PLPP4: variants seen among roughly 807,000 people sequenced by gnomAD.
PLPP4 encodes the protein phospholipid phosphatase 4, also known as diacylglycerol pyrophosphate like 2.
A neutral mutation model predicts 32.2 loss-of-function variants in PLPP4; 20 were observed. The ratio of observed to expected loss-of-function variants is 0.62; its 90% confidence interval spans 0.44 to 0.90. The LOEUF (loss-of-function observed/expected upper bound fraction) is 0.90, where lower values mean the gene tolerates loss of function less well. Ranked by LOEUF, PLPP4 falls within the 40% of genes least tolerant of loss-of-function variation. The pLI, the probability that PLPP4 is intolerant of heterozygous loss-of-function variation, is 0.00. For missense variants in PLPP4, 257 were observed against 353.1 expected (o/e 0.73, Z 2.18); for synonymous variants, 127 against 133.0 (o/e 0.95, Z 0.31).
In PLPP4 at chr10:120,570,072, T is replaced by A. The variant is rs192474584; in HGVS notation, c.446-5059T>A. Among the ~76,000 whole-genome samples, 369 of 152,262 alleles carry A rather than the reference T, an allele frequency of 2.4e-3. 7 individuals carry two copies. The highest frequency in any genetic ancestry group is 8.4e-3 in the African/African-American group (348 of 41,544). ...ATGGCCTAATGACTACATCATTGTGTTGTTCTGGGGATGAAATGAGGCAAC... is the reference window on the plus strand; with the variant it reads ...ATGGCCTAATGACTACATCATTGTGATGTTCTGGGGATGAAATGAGGCAAC... On this transcript the variant is annotated intron_variant, in intron 5 of 6. Coordinates refer to ENST00000398250, the MANE Select transcript of PLPP4 (RefSeq NM_001030059.3).
At chr10:120,482,862 A>AATAATGGAAGAATAATGTTCCCCCAGG (rs1844272308) in intron 1 of PLPP4, among the ~76,000 whole-genome samples, 1 of 152,124 alleles carries the variant, frequency 6.6e-6, no homozygotes, top group Admixed American at 6.5e-5. Flanking sequence ...CTGTGAGCCG[A>AATAATGGAAGAATAATGTTCCCCCAGG]GATCGCACCA....
At chr10:120,457,431 C>A in intron 1 of PLPP4, 70 bp downstream of exon 1, 1 of 1,426,080 alleles carries the variant, frequency 7.0e-7, no homozygotes, top group Non-Finnish European at 9.5e-7. Flanking sequence ...TCTCTGTGCC[C>A]TAACTTAGTT....
At chr10:120,472,434 CT>C (rs1418381322) in intron 1 of PLPP4, among the ~76,000 whole-genome samples, 1 of 152,016 alleles carries the variant, frequency 6.6e-6, no homozygotes, top group Non-Finnish European at 1.5e-5. Flanking sequence ...TCCATTGTTT[CT>C]GATGATAAGT....
At chr10:120,458,643 C>T (rs1847900213) in intron 1 of PLPP4, among the ~76,000 whole-genome samples, 1 of 152,182 alleles carries the variant, frequency 6.6e-6, no homozygotes, top group African/African-American at 2.4e-5. Context: ...GCCCCCCTCT[C>T]CCGCCTTCTG....
chr10:120,491,235 G>A (rs966073878), intron 1 of PLPP4, among the ~76,000 whole-genome samples: 6 of 152,240 alleles, frequency 3.9e-5, no homozygotes, highest in Non-Finnish European at 7.4e-5. Flanking sequence ...TGGGTCACAA[G>A]CTTACTGGCC....
intron 1 of PLPP4, among the ~76,000 whole-genome samples, chr10:120,462,495 T>C (rs1236598367): frequency 6.6e-6 from 1 of 152,186 alleles, no homozygotes; most frequent in Non-Finnish European, 1.5e-5. Flanking sequence ...ACAAGTACTG[T>C]CTGCACTGCG....
At chr10:120,525,621 G>T (rs568386745) in intron 5 of PLPP4, among the ~76,000 whole-genome samples, 1 of 152,266 alleles carries the variant, frequency 6.6e-6, no homozygotes, top group South Asian at 2.1e-4. Context: ...TCCAATCAGG[G>T]GACAGGGAAA....
chr10:120,556,801 C>T (rs978836298), intron 5 of PLPP4, among the ~76,000 whole-genome samples: 2 of 152,158 alleles, frequency 1.3e-5, no homozygotes, highest in African/African-American at 4.8e-5. Flanking sequence ...AGATTCAAAC[C>T]TCGGCACTAG....
chr10:120,457,117 A>G (rs906470106), upstream of PLPP4: 1 of 245,382 alleles, frequency 4.1e-6, no homozygotes, highest in Non-Finnish European at 7.6e-6. Context: ...GGAGCCCCGG[A>G]GCCCGAGGCG....
intron 6 of PLPP4, among the ~76,000 whole-genome samples, chr10:120,582,781 C>G (rs932238787): frequency 1.0e-5 from 1 of 98,632 alleles, no homozygotes; most frequent in Non-Finnish European, 2.0e-5. Flanking sequence ...CTTCCTCCCT[C>G]CCTCCCTCCC....
intron 1 of PLPP4, among the ~76,000 whole-genome samples, chr10:120,478,628 A>C (rs941062743): frequency 6.6e-6 from 1 of 152,222 alleles, no homozygotes; most frequent in African/African-American, 2.4e-5. Context: ...TCCCATGATA[A>C]TGCATACTTT....
chr10:120,490,993 T>G (rs1265148969), intron 1 of PLPP4, among the ~76,000 whole-genome samples: 1 of 152,238 alleles, frequency 6.6e-6, no homozygotes, highest in African/African-American at 2.4e-5. Flanking sequence ...CTCGAGCCCC[T>G]ATCTCTGCTC....
intron 5 of PLPP4, among the ~76,000 whole-genome samples, chr10:120,549,486 G>A (rs1164580667): frequency 6.6e-6 from 1 of 151,672 alleles, no homozygotes; most frequent in Non-Finnish European, 1.5e-5. Flanking sequence ...AGAAGAACAG[G>A]GAACATTTCC....
At chr10:120,527,642 T>C (rs1846467279) in intron 5 of PLPP4, among the ~76,000 whole-genome samples, 1 of 152,194 alleles carries the variant, frequency 6.6e-6, no homozygotes, top group African/African-American at 2.4e-5. Flanking sequence ...ACAAATACCA[T>C]CATGATGGTC....
At chr10:120,531,489 G>A (rs1846719421) in intron 5 of PLPP4, among the ~76,000 whole-genome samples, 1 of 151,914 alleles carries the variant, frequency 6.6e-6, no homozygotes, top group East Asian at 1.9e-4. Context: ...TTCTTTTATG[G>A]CTATTGCACT....
intron 1 of PLPP4, among the ~76,000 whole-genome samples, chr10:120,503,012 C>T (rs1255324641): frequency 6.6e-6 from 1 of 152,230 alleles, no homozygotes; most frequent in Non-Finnish European, 1.5e-5. Flanking sequence ...CCTCCCCAAT[C>T]TGCTAGTCTC....
intron 5 of PLPP4, among the ~76,000 whole-genome samples, chr10:120,565,040 G>A (rs1027501820): frequency 4.6e-5 from 7 of 151,908 alleles, no homozygotes; most frequent in African/African-American, 7.3e-5. Context: ...CATAGTTAAC[G>A]AAGTCTCAAG....
intron 4 of PLPP4, among the ~76,000 whole-genome samples, chr10:120,520,415 G>A (rs934909988): frequency 6.6e-6 from 1 of 152,222 alleles, no homozygotes; most frequent in Admixed American, 6.5e-5. Context: ...AATAGATCAA[G>A]CGGTAGAGTG....
chr10:120,477,112 A>G (rs1315794276), intron 1 of PLPP4, among the ~76,000 whole-genome samples: 1 of 152,198 alleles, frequency 6.6e-6, no homozygotes, highest in Non-Finnish European at 1.5e-5. Context: ...TAACCAATGT[A>G]AAAAACATCA....
Sources: gnomAD v4.1 joint callset for allele counts (sites outside exome capture counted in the v4.1 genomes callset) on GRCh38, gnomAD v4.1.1 for gene constraint, MANE v1.5 for transcripts, NCBI Gene and HGNC (gene_info 2026-07-23, HGNC 2026-07-21) for gene names.